Variants in ANKS1B observed in about 807,000 individuals in gnomAD.
The protein encoded by ANKS1B is ankyrin repeat and sterile alpha motif domain-containing protein 1B.
A neutral mutation model predicts 148.3 loss-of-function variants in ANKS1B; 36 were observed. The observed-to-expected ratio is 0.24, with a 90% CI of 0.19 to 0.32. ANKS1B has a LOEUF of 0.32. Ranked by LOEUF, ANKS1B falls within the 10% of genes least tolerant of loss-of-function variation. The pLI is 1.00. For synonymous variants in ANKS1B, 542 were observed against 560.8 expected (o/e 0.97, Z 0.47); for missense variants, 1,157 against 1,542.6 (o/e 0.75, Z 4.19).
intron 8 of ANKS1B, among the ~76,000 whole-genome samples, chr12:99,676,128 C>T (rs1028256795): frequency 9.9e-5 from 15 of 152,110 alleles, no homozygotes; most frequent in Non-Finnish European, 8.8e-5. Context: ...CTTGGCACTT[C>T]TCCTTCCTGC....
chr12:99,391,884 G>A (rs1309316696), intron 12 of ANKS1B, among the ~76,000 whole-genome samples: 1 of 152,170 alleles, frequency 6.6e-6, no homozygotes, highest in African/African-American at 2.4e-5. Flanking sequence ...GATTTATCAA[G>A]AAGTGACAAG....
At chr12:99,022,112 T>C (rs1288037129) in intron 17 of ANKS1B, among the ~76,000 whole-genome samples, 2 of 152,228 alleles carry the variant, frequency 1.3e-5, no homozygotes, top group African/African-American at 4.8e-5. Context: ...CATTCTCTTC[T>C]TCCCAGGCAC....
chr12:99,273,460 A>T (rs192832824), intron 12 of ANKS1B, among the ~76,000 whole-genome samples: 3 of 149,870 alleles, frequency 2.0e-5, no homozygotes, highest in African/African-American at 7.4e-5. Flanking sequence ...CTGTTGTATG[A>T]CTCTCTACAA....
chr12:98,945,510 A>AACAAAC (rs2099843933), intron 17 of ANKS1B, among the ~76,000 whole-genome samples: 3 of 106,090 alleles, frequency 2.8e-5, no homozygotes, highest in Non-Finnish European at 6.9e-5. Flanking sequence ...ACAAACAAAA[A>AACAAAC]AAAAAAAAAA....
At chr12:99,767,266 A>G (rs1312673208) in intron 8 of ANKS1B, among the ~76,000 whole-genome samples, 2 of 152,186 alleles carry the variant, frequency 1.3e-5, no homozygotes, top group South Asian at 2.1e-4. Context: ...AAACCTGCCA[A>G]TGCAACCCCT....
chr12:99,420,280 A>G (rs2095043305), intron 11 of ANKS1B, among the ~76,000 whole-genome samples: 1 of 152,226 alleles, frequency 6.6e-6, no homozygotes, highest in South Asian at 2.1e-4. Flanking sequence ...AGTTTAAAAG[A>G]ATATTTTCCC....
chr12:99,340,123 C>T (rs1034179868), intron 12 of ANKS1B, among the ~76,000 whole-genome samples: 7 of 151,782 alleles, frequency 4.6e-5, no homozygotes, highest in Admixed American at 2.6e-4. Context: ...TTGTTCTGAA[C>T]CTCATTTTAC....
chr12:99,841,985 T>C (rs2153698100), intron 1 of ANKS1B, among the ~76,000 whole-genome samples: 1 of 152,280 alleles, frequency 6.6e-6, no homozygotes, highest in East Asian at 1.9e-4. Context: ...ACTTTTTAAT[T>C]AACTACTCTC....
chr12:99,185,258 A>G (rs943688091), intron 14 of ANKS1B, among the ~76,000 whole-genome samples: 2 of 152,246 alleles, frequency 1.3e-5, no homozygotes, highest in Non-Finnish European at 2.9e-5. Flanking sequence ...AAAATTATGT[A>G]TGAGAGGCTT....
At chr12:99,738,763 T>C (rs941033482) in intron 8 of ANKS1B, among the ~76,000 whole-genome samples, 2 of 152,160 alleles carry the variant, frequency 1.3e-5, no homozygotes, top group African/African-American at 4.8e-5. Flanking sequence ...CAAGACTCAC[T>C]AGTTAAGAAG....
Position 99,641,667 on chromosome 12 carries a change from C to T in ANKS1B, c.1272+13400G>A, listed in dbSNP as rs188844814. 9.9e-5 allele frequency among the ~76,000 whole-genome samples: 15 copies of T among 152,076 alleles called. No individual in the cohort carries two copies. In the East Asian group the frequency reaches 1.2e-3, roughly 12 times the overall value. On this transcript the variant is annotated intron_variant, in intron 9 of 26. Coordinates refer to ENST00000683438, the MANE Select transcript of ANKS1B (RefSeq NM_001352186.2). Reference sequence around the variant, plus strand: ...AATACGTTTAGCAGCTCATCCACTCCGTAAGCATAATACAACATGATAACC... The same window carrying T: ...AATACGTTTAGCAGCTCATCCACTCTGTAAGCATAATACAACATGATAACC...
intron 4 of ANKS1B, among the ~76,000 whole-genome samples, chr12:99,792,622 T>C (rs78501655): frequency 0.026 from 3,997 of 152,044 alleles, 184 homozygotes; most frequent in African/African-American, 0.091. Context: ...ATTATCATTT[T>C]GACTAATGCT....
At chr12:98,915,914 C>A (rs994169857) in intron 17 of ANKS1B, among the ~76,000 whole-genome samples, 1 of 152,082 alleles carries the variant, frequency 6.6e-6, no homozygotes. Context: ...ATCTGGATGC[C>A]ACGTCAGTCT....
chr12:99,410,685 C>A (rs951255479), intron 11 of ANKS1B, among the ~76,000 whole-genome samples: 18 of 151,814 alleles, frequency 1.2e-4, no homozygotes, highest in African/African-American at 4.4e-4. Flanking sequence ...ACAAACAAAC[C>A]AACAAACAAA....
At chr12:98,855,918 G>A (rs1370528705) in intron 17 of ANKS1B, among the ~76,000 whole-genome samples, 6 of 152,050 alleles carry the variant, frequency 3.9e-5, no homozygotes, top group Admixed American at 6.6e-5. Context: ...TCAACTGTGC[G>A]TCTCCAAGAC....
intron 16 of ANKS1B, among the ~76,000 whole-genome samples, chr12:99,082,703 T>C (rs1352412465): frequency 6.6e-6 from 1 of 151,818 alleles, no homozygotes; most frequent in Non-Finnish European, 1.5e-5. Context: ...TAGATAGAGG[T>C]GGTTGGTGAG....
intron 14 of ANKS1B, among the ~76,000 whole-genome samples, chr12:99,162,538 C>T (rs1452783413): frequency 6.6e-6 from 1 of 151,920 alleles, no homozygotes; most frequent in Non-Finnish European, 1.5e-5. Context: ...TTCCTCCATT[C>T]TTGTCCTGCA....
intron 17 of ANKS1B, among the ~76,000 whole-genome samples, chr12:98,946,275 T>C (rs1233550402): frequency 1.3e-5 from 2 of 152,212 alleles, no homozygotes; most frequent in Non-Finnish European, 2.9e-5. Flanking sequence ...GAAGTAACTG[T>C]CCTAGAAGAA....
chr12:99,776,701 A>T (rs976055430), intron 6 of ANKS1B, among the ~76,000 whole-genome samples: 5 of 137,346 alleles, frequency 3.6e-5, no homozygotes, highest in African/African-American at 1.4e-4. Context: ...TTTGTTTGAG[A>T]TGGATTCTCG....
Sources: allele counts gnomAD v4.1 joint callset (sites outside exome capture counted in the v4.1 genomes callset), GRCh38; gene constraint gnomAD v4.1.1; transcripts MANE v1.5; gene names NCBI Gene and HGNC (gene_info 2026-07-23, HGNC 2026-07-21).